Variants in GSAP observed in about 807,000 individuals in gnomAD.
GSAP encodes the protein gamma-secretase-activating protein.
A neutral mutation model predicts 131.7 loss-of-function variants in GSAP; 118 were observed. The ratio of observed to expected loss-of-function variants is 0.90; its 90% CI spans 0.77 to 1.04. The LOEUF (loss-of-function observed/expected upper bound fraction) is 1.04. GSAP is among the 50% of genes least tolerant of loss of function. GSAP has a pLI of 0.00. For synonymous variants in GSAP, 381 were observed against 363.4 expected (o/e 1.05, Z -0.55); for missense variants, 1,019 against 1,013.2 (o/e 1.01, Z -0.08).
rs966434959 is a variant in GSAP at position 77,332,459 on chromosome 7, G to C, written c.1546-2092C>G. 2.9e-4 allele frequency among the ~76,000 whole-genome samples: 44 copies of C among 152,262 alleles called. 1 individual carries two copies. Among genetic ancestry groups the C allele is most frequent in the African/African-American group, 7.7e-4 (32 of 41,542 alleles). ...ATTAGCATAGCCATCTGTCTGCTAA[G>C]AAGAAACAGATCAAACAGAGCTCGC... On this transcript the variant is annotated intron_variant, in intron 19 of 30. Transcript: ENST00000257626.
At chr7:77,344,463 G>A (rs1323936841) in intron 19 of GSAP, among the ~76,000 whole-genome samples, 2 of 152,090 alleles carry the variant, frequency 1.3e-5, no homozygotes, top group Non-Finnish European at 1.5e-5. Context: ...TTTTTGTTAG[G>A]CTCCAGGCTC....
At chr7:77,354,436 T>C (rs186793028) in intron 16 of GSAP, among the ~76,000 whole-genome samples, 2 of 152,204 alleles carry the variant, frequency 1.3e-5, no homozygotes, top group East Asian at 3.9e-4. Flanking sequence ...CTAAAAAAGA[T>C]TGGGTAAAAA....
chr7:77,399,810 T>G (rs1481347400), intron 3 of GSAP, among the ~76,000 whole-genome samples: 1 of 152,104 alleles, frequency 6.6e-6, no homozygotes, highest in Non-Finnish European at 1.5e-5. Flanking sequence ...ATGACGACTC[T>G]GAAATGCAGA....
At chr7:77,315,534 A>G (rs1794877945) in intron 26 of GSAP, 2 of 152,226 alleles carry the variant, frequency 1.3e-5, no homozygotes, top group South Asian at 4.1e-4. Context: ...CTAGATTCCC[A>G]TTTCATAAAT....
At chr7:77,329,181 G>T in intron 21 of GSAP, 152 bp downstream of exon 21, 1 of 454,962 alleles carries the variant, frequency 2.2e-6, no homozygotes, top group South Asian at 4.1e-5. Flanking sequence ...TCCAGAATAG[G>T]GTCCAAGTGG....
intron 12 of GSAP, among the ~76,000 whole-genome samples, chr7:77,371,129 CT>C (rs1291638236): frequency 6.6e-6 from 1 of 152,134 alleles, no homozygotes; most frequent in Non-Finnish European, 1.5e-5. Context: ...AGCTCCAGAT[CT>C]TTTAGTCAAC....
rs1352200031 is a variant in GSAP, at chr7:77,360,890, T to A, written c.961A>T (p.Thr321Ser). ...ACATTCTCAAGAGAAGTGGTGAAGG[T>A]CTTGCTGTGTCCTGCAAAGAGAGAA... is the stretch of plus-strand genomic sequence containing the variant. ...VFYIHKGHSK[T>S]FTTSLENVGS... The change falls in exon 14 of 31, where the codon ACC becomes TCC. Residue 321 changes from threonine to serine, a missense_variant. Coordinates refer to ENST00000257626, the MANE Select transcript of GSAP (RefSeq NM_017439.4). 3 of 1,592,426 alleles carry A rather than the reference T, an allele frequency of 1.9e-6. No homozygotes were observed. The South Asian group carries it at 3.3e-5, about 18-fold the overall frequency.
chr7:77,387,331 G>C, intron 6 of GSAP, 29 bp downstream of exon 6: 1 of 1,099,524 alleles, frequency 9.1e-7, no homozygotes, highest in Non-Finnish European at 1.4e-6. Context: ...TGATTAATGA[G>C]ATAAGTGATA....
rs758348755 is a variant in GSAP, at chr7:77,328,591, C to T, written c.1765+15G>A. 5 of 1,609,506 alleles carry T rather than the reference C, an allele frequency of 3.1e-6. No homozygotes were observed. The highest frequency in any genetic ancestry group is 1.7e-5 in the Admixed American group (1 of 58,736). On this transcript the variant is annotated intron_variant, in intron 22 of 30. Coordinates refer to ENST00000257626, the MANE Select transcript of GSAP (RefSeq NM_017439.4). ...GACTGGAACCCAGAAGGCTTTATTA[C>T]AGATCTTTTCTTACCCAAATTTCTT... is the stretch of plus-strand genomic sequence containing the variant.
At chr7:77,392,543 G>C (rs578043134) in intron 5 of GSAP, among the ~76,000 whole-genome samples, 1 of 152,070 alleles carries the variant, frequency 6.6e-6, no homozygotes, top group Non-Finnish European at 1.5e-5. Flanking sequence ...GCAAGGCACT[G>C]TCTCAAAAAA....
chr7:77,412,862 C>CA (rs1206816488), intron 1 of GSAP, among the ~76,000 whole-genome samples: 1 of 151,724 alleles, frequency 6.6e-6, no homozygotes, highest in East Asian at 1.9e-4. Flanking sequence ...CACCACAAAT[C>CA]AGAGTGTTAA....
chr7:77,404,559 C>A lies in GSAP; in HGVS notation c.243G>T (p.Glu81Asp). Residue 81 changes from glutamate to aspartate, a missense_variant and splice_region_variant, in exon 3 of 31, where the codon GAG becomes GAT. Glu to Asp is a conservative substitution (Grantham distance 45). Coordinates refer to ENST00000257626, the MANE Select transcript of GSAP (RefSeq NM_017439.4). ...CCAATGAGTAATCTATGATTTTTAC[C>A]TCATTTTGTCTGGTTTGACAATCAT... ...GLYDCQTRQN[E>D]LLYTFEKDLQ... is the part of the protein sequence containing the mutation. 6.6e-7 allele frequency: 1 copy of A among 1,524,072 alleles called. No individual in the cohort carries two copies. The highest frequency in any genetic ancestry group is 9.1e-7 in the Non-Finnish European group (1 of 1,101,010). 94.4% of individuals were successfully genotyped at this position (1,524,072 alleles called of 1,614,324 possible).
intron 5 of GSAP, among the ~76,000 whole-genome samples, chr7:77,394,799 A>G (rs1246849621): frequency 6.6e-6 from 1 of 152,168 alleles, no homozygotes; most frequent in Non-Finnish European, 1.5e-5. Flanking sequence ...ATGCCCAACC[A>G]TACTTCCAAG....
intron 24 of GSAP, among the ~76,000 whole-genome samples, chr7:77,322,581 AG>A (rs1429457669): frequency 8.0e-6 from 1 of 125,310 alleles, no homozygotes; most frequent in East Asian, 2.5e-4. Flanking sequence ...GTGTGTTGTG[AG>A]TTTTTTTTTT....
At chr7:77,399,974 A>AC (rs1801048192) in intron 3 of GSAP, among the ~76,000 whole-genome samples, 1 of 152,122 alleles carries the variant, frequency 6.6e-6, no homozygotes, top group Admixed American at 6.5e-5. Flanking sequence ...AAACAAACAC[A>AC]CACCCATGCT....
intron 6 of GSAP, among the ~76,000 whole-genome samples, chr7:77,384,908 G>C (rs1041071733): frequency 2.0e-5 from 3 of 152,190 alleles, no homozygotes; most frequent in Non-Finnish European, 2.9e-5. Flanking sequence ...CAGAGGCAGA[G>C]ACATGGGGGC....
chr7:77,399,491 A>C (rs1800968061), intron 3 of GSAP, among the ~76,000 whole-genome samples: 2 of 152,198 alleles, frequency 1.3e-5, no homozygotes, highest in Admixed American at 1.3e-4. Flanking sequence ...TCTTGTATCC[A>C]ACCAGTTTAG....
chr7:77,387,262 TA>T, intron 6 of GSAP, 97 bp downstream of exon 6: 1 of 690,022 alleles, frequency 1.4e-6, no homozygotes. Flanking sequence ...TTCTGAGGAT[TA>T]AATATGATAG....
intron 6 of GSAP, among the ~76,000 whole-genome samples, chr7:77,386,814 T>C (rs983696193): frequency 6.6e-6 from 1 of 152,222 alleles, no homozygotes; most frequent in Non-Finnish European, 1.5e-5. Context: ...CGAATGTGCA[T>C]GTTGGGTGAC....
Sources: allele counts gnomAD v4.1 joint callset (sites outside exome capture counted in the v4.1 genomes callset), GRCh38; gene constraint gnomAD v4.1.1; transcripts MANE v1.5; gene names NCBI Gene and HGNC (gene_info 2026-07-23, HGNC 2026-07-21).